Variants in KIF21A observed in about 807,000 individuals in gnomAD.
The protein encoded by KIF21A is kinesin-like protein KIF21A.
KIF21A carries 114 observed loss-of-function variants against 202.9 expected under a neutral mutation model. That is an observed-to-expected ratio of 0.56 (90% CI 0.48 to 0.66). The LOEUF (loss-of-function observed/expected upper bound fraction) is 0.66, where lower values mean the gene tolerates loss of function less well. KIF21A is among the 30% of genes least tolerant of loss of function. KIF21A has a pLI of 0.00. For missense variants in KIF21A, 1,677 were observed against 1,994.9 expected (o/e 0.84, Z 3.04); for synonymous variants, 667 against 670.8 (o/e 0.99, Z 0.09).
intron 1 of KIF21A, among the ~76,000 whole-genome samples, chr12:39,439,537 A>G (rs1939275581): frequency 6.6e-6 from 1 of 152,226 alleles, no homozygotes; most frequent in African/African-American, 2.4e-5. Flanking sequence ...TACAGCTGAA[A>G]AAGTAGATCC....
intron 12 of KIF21A, among the ~76,000 whole-genome samples, chr12:39,344,549 C>T (rs1328943755): frequency 6.6e-6 from 1 of 152,170 alleles, no homozygotes; most frequent in East Asian, 1.9e-4. Flanking sequence ...TTATTCCAAA[C>T]ATTTGACCCA....
intron 1 of KIF21A, among the ~76,000 whole-genome samples, chr12:39,417,501 G>C (rs765438319): frequency 6.6e-6 from 1 of 152,172 alleles, no homozygotes; most frequent in Non-Finnish European, 1.5e-5. Flanking sequence ...TAAGGGAACA[G>C]TTATGTGAGG....
intron 1 of KIF21A, among the ~76,000 whole-genome samples, chr12:39,383,427 C>G (rs75329507): frequency 0.015 from 2,272 of 152,224 alleles, 68 homozygotes; most frequent in African/African-American, 0.051. Flanking sequence ...AAATGATATC[C>G]TAAATGACAG....
At chr12:39,374,543 A>C (rs1268458543) in intron 1 of KIF21A, among the ~76,000 whole-genome samples, 1 of 152,168 alleles carries the variant, frequency 6.6e-6, no homozygotes, top group Non-Finnish European at 1.5e-5. Flanking sequence ...ACAAAAATTG[A>C]ATTATTATTT....
chr12:39,339,768 G>T (rs1013615115), intron 16 of KIF21A, among the ~76,000 whole-genome samples: 2 of 151,082 alleles, frequency 1.3e-5, no homozygotes, highest in Non-Finnish European at 3.0e-5. Flanking sequence ...TGGGGAATAT[G>T]ATCAGGAAGA....
chr12:39,428,049 A>T (rs1954900736), intron 1 of KIF21A, among the ~76,000 whole-genome samples: 1 of 152,240 alleles, frequency 6.6e-6, no homozygotes, highest in Non-Finnish European at 1.5e-5. Flanking sequence ...TCTGCTGTGC[A>T]GTATGGGTAG....
In KIF21A at chr12:39,303,141, A is replaced by C; in HGVS notation, c.4561-6T>G. The C allele has an allele frequency of 6.2e-6, 10 of 1,613,800 alleles. No homozygotes were observed. The highest frequency in any genetic ancestry group is 8.5e-6 in the Non-Finnish European group (10 of 1,179,734). Reference sequence around the variant, plus strand: ...CCTTCTGTAACATCAAACATCTAAAAAGGTAGAAACAAAGCAGTTATCCTA... The same window carrying C: ...CCTTCTGTAACATCAAACATCTAAACAGGTAGAAACAAAGCAGTTATCCTA... On this transcript the variant is annotated splice_region_variant and splice_polypyrimidine_tract_variant and intron_variant, in intron 35 of 37. Coordinates refer to ENST00000361418, the MANE Select transcript of KIF21A (RefSeq NM_001173464.2).
intron 1 of KIF21A, among the ~76,000 whole-genome samples, chr12:39,395,334 A>G (rs1000818037): frequency 6.6e-6 from 1 of 152,040 alleles, no homozygotes; most frequent in African/African-American, 2.4e-5. Context: ...GAATTGTTCT[A>G]TCCTCTGCCT....
rs763228459 is a variant in KIF21A at position 39,331,745 on chromosome 12, G to A, written c.3098C>T (p.Thr1033Ile). 1.2e-6 allele frequency: 2 copies of A among 1,613,532 alleles called. No homozygotes were observed. Among genetic ancestry groups the A allele is most frequent in the Non-Finnish European group, 1.7e-6 (2 of 1,179,678 alleles). Residue 1033 changes from threonine (T) to isoleucine (I), a missense_variant, in exon 22 of 38, where the codon ACC becomes ATC. Thr to Ile is a moderately conservative substitution (Grantham distance 89). Around this residue, in one of 3 missense-constraint regions of KIF21A, gnomAD observed 705 missense variants for 791.9 expected, o/e 0.89. Coordinates refer to ENST00000361418, the MANE Select transcript of KIF21A (RefSeq NM_001173464.2). ...LDVTAVINAC[T>I]LTEARYLLDH... is the part of the protein sequence containing the mutation. ...TAGCAGGTATCGGGCTTCTGTAAGG[G>A]TGCAGGCATTAATGACTGCAGTAAC... is the stretch of plus-strand genomic sequence containing the variant.
intron 32 of KIF21A, among the ~76,000 whole-genome samples, chr12:39,310,474 TA>T (rs935073409): frequency 1.2e-4 from 19 of 152,186 alleles, no homozygotes; most frequent in Non-Finnish European, 2.8e-4. Context: ...CCCTAAATGC[TA>T]AAAACTTTCA....
chr12:39,311,336 C>G, intron 32 of KIF21A, 81 bp downstream of exon 32: 1 of 1,286,180 alleles, frequency 7.8e-7, no homozygotes, highest in Non-Finnish European at 1.1e-6. Context: ...AATAGTTTGA[C>G]AGTTTTCTAG....
intron 12 of KIF21A, among the ~76,000 whole-genome samples, chr12:39,342,500 C>A (rs1029946396): frequency 6.6e-6 from 1 of 152,066 alleles, no homozygotes; most frequent in African/African-American, 2.4e-5. Flanking sequence ...TACAAAAAAA[C>A]TTCTCTCATA....
In KIF21A at chr12:39,441,660, T is replaced by TAAAAAAAAAAAAAA. The variant is rs56245570; in HGVS notation, c.44+1253_44+1266dup. 7.0e-3 allele frequency among the ~76,000 whole-genome samples: 265 copies of TAAAAAAAAAAAAAA among 37,742 alleles called. 46 individuals carry two copies. The highest frequency in any genetic ancestry group is 0.02 in the African/African-American group (188 of 9,528). 24.8% of individuals were successfully genotyped at this position (37,742 alleles called of 152,430 possible). A position where few individuals can be genotyped will look rare whatever the true frequency, so the allele number is the denominator to read the frequency against. On this transcript the variant is annotated intron_variant, in intron 1 of 37. Coordinates refer to ENST00000361418, the MANE Select transcript of KIF21A (RefSeq NM_001173464.2). ...ATAAAACTGTCACCTCCCTGGGTGG[T>TAAAAAAAAAAAAAA]AAAAAAAAAAAAAAAAAAAACACTT...
At chr12:39,415,823 A>G (rs1424917378) in intron 1 of KIF21A, among the ~76,000 whole-genome samples, 1 of 152,162 alleles carries the variant, frequency 6.6e-6, no homozygotes. Flanking sequence ...TTTCTGAAAC[A>G]TGCTGGGGAA....
At chr12:39,357,225 C>T (rs529331849) in intron 9 of KIF21A, 23 bp downstream of exon 9, 3 of 1,610,504 alleles carry the variant, frequency 1.9e-6, no homozygotes, top group South Asian at 2.2e-5. Flanking sequence ...TAATCCCTCA[C>T]TTATCCCACC....
Position 39,442,887 on chromosome 12 carries a change from ACCCGCCG to A in KIF21A, c.44+33_44+39del, listed in dbSNP as rs773061753. ...CAGCCAGGTCCTTGCCGCGCCCTCAACCCGCCGCCCGCCGCCCGCCGCCGGCAGACTG... is the reference window on the plus strand; with the variant it reads ...CAGCCAGGTCCTTGCCGCGCCCTCAACCCGCCGCCCGCCGCCGGCAGACTG... On this transcript the variant is annotated intron_variant, in intron 1 of 37. Transcript: ENST00000361418. The surrounding 1 kb of genome is among the most constrained non-coding windows in gnomAD (Gnocchi z 5.0). 28 of 1,521,620 alleles carry A rather than the reference ACCCGCCG, an allele frequency of 1.8e-5. No homozygotes were observed. Among genetic ancestry groups the A allele is most frequent in the South Asian group, 7.2e-5 (6 of 82,898 alleles). 94.3% of individuals were successfully genotyped at this position (1,521,620 alleles called of 1,614,324 possible).
intron 1 of KIF21A, among the ~76,000 whole-genome samples, chr12:39,402,810 G>A (rs1309516629): frequency 6.6e-6 from 1 of 152,068 alleles, no homozygotes; most frequent in Non-Finnish European, 1.5e-5. Flanking sequence ...TGTGGCCCAA[G>A]ACAATTCTTC....
At chr12:39,342,010 A>C in intron 13 of KIF21A, 24 bp downstream of exon 13, 1 of 1,530,120 alleles carries the variant, frequency 6.5e-7, no homozygotes, top group Admixed American at 1.7e-5. Flanking sequence ...ACTAAAACTG[A>C]CAAGTTCATT....
chr12:39,311,426 C>T lies in KIF21A; in HGVS notation c.4087G>A (p.Gly1363Arg). Residue 1363 changes from glycine to arginine, a missense_variant, in exon 32 of 38, where the codon GGA (glycine) becomes AGA (arginine). Gly to Arg is a moderately radical substitution (Grantham distance 125). Coordinates refer to ENST00000361418, the MANE Select transcript of KIF21A (RefSeq NM_001173464.2). ...VDSTDDLLFT[G>R]SKDRTCKVWN... ...AGATAACTACTAGCACCTTTTGATC[C>T]AGTGAAGAGGAGATCATCAGTAGAA... 1 of 1,612,710 alleles carries T rather than the reference C, an allele frequency of 6.2e-7. No homozygotes were observed. Among genetic ancestry groups the T allele is most frequent in the Non-Finnish European group, 8.5e-7 (1 of 1,179,032 alleles).
Sources: allele counts gnomAD v4.1 joint callset (sites outside exome capture counted in the v4.1 genomes callset), GRCh38; gene constraint gnomAD v4.1.1; regional missense constraint gnomAD v4.1.1; non-coding constraint Gnocchi (gnomAD v3.1); transcripts MANE v1.5; gene names NCBI Gene and HGNC (gene_info 2026-07-23, HGNC 2026-07-21).